EIF2B3: variants seen among roughly 807,000 people sequenced by gnomAD.
The protein encoded by EIF2B3 is translation initiation factor eIF2B subunit gamma.
EIF2B3 carries 20 observed loss-of-function variants against 54.1 expected under a neutral mutation model. The observed-to-expected ratio is 0.37, with a 90% CI of 0.26 to 0.54. EIF2B3 has a LOEUF of 0.54. EIF2B3 is among the 20% of genes least tolerant of loss of function. The pLI, the probability that EIF2B3 is intolerant of heterozygous loss-of-function variation, is 0.86. For synonymous variants in EIF2B3, 153 were observed against 188.1 expected (o/e 0.81, Z 1.52); for missense variants, 448 against 547.8 (o/e 0.82, Z 1.82).
chr1:44,898,668 G>A (rs894641240), intron 5 of EIF2B3, among the ~76,000 whole-genome samples: 27 of 152,160 alleles, frequency 1.8e-4, no homozygotes, highest in African/African-American at 6.5e-4. Flanking sequence ...GGCTTCGACT[G>A]CCTTGTAGGT....
At chr1:44,913,574 A>T (rs1164810210) in intron 5 of EIF2B3, among the ~76,000 whole-genome samples, 3 of 151,766 alleles carry the variant, frequency 2.0e-5, no homozygotes, top group South Asian at 2.1e-4. Context: ...GCATGAAAAA[A>T]GTTCACTGTA....
intron 7 of EIF2B3, among the ~76,000 whole-genome samples, 183 bp from the exon 8 acceptor site, chr1:44,880,191 C>T (rs2148904989): frequency 6.6e-6 from 1 of 152,300 alleles, no homozygotes. Flanking sequence ...GCTGGGACTA[C>T]AGGTGTGCAC....
intron 4 of EIF2B3, among the ~76,000 whole-genome samples, chr1:44,931,321 T>C (rs1054966421): frequency 2.0e-5 from 3 of 152,214 alleles, no homozygotes; most frequent in African/African-American, 4.8e-5. Flanking sequence ...CCCTTCCCAG[T>C]TGAGCCTTCA....
rs139126083 is a variant in EIF2B3 at position 44,883,910 on chromosome 1, C to G, written c.657-2171G>C. On this transcript the variant is annotated intron_variant, in intron 6 of 11. Transcript: ENST00000360403. ...CTGGAGTGCAGTGGTGCAATCACAA[C>G]TCACTGCAGTCTTGACTACCTGGGC... Among the ~76,000 whole-genome samples the G allele has an allele frequency of 7.5e-4, 114 of 152,322 alleles. 1 individual carries two copies. In the South Asian group the frequency reaches 8.1e-3, roughly 11 times the overall value.
At chr1:44,946,883 T>C (rs528874977) in intron 3 of EIF2B3, among the ~76,000 whole-genome samples, 3 of 152,236 alleles carry the variant, frequency 2.0e-5, no homozygotes, top group Admixed American at 6.5e-5. Flanking sequence ...AGAGAGAAAG[T>C]AGAAAAACTG....
chr1:44,924,426 C>T (rs181322132), intron 5 of EIF2B3, among the ~76,000 whole-genome samples: 227 of 151,474 alleles, frequency 1.5e-3, no homozygotes, highest in Middle Eastern at 0.01. Flanking sequence ...TTTTTGAGAC[C>T]GAGTCTCACT....
chr1:44,958,412 AT>A (rs1290082144), intron 3 of EIF2B3: 5 of 523,494 alleles, frequency 9.6e-6, no homozygotes, highest in Non-Finnish European at 1.4e-5. Context: ...GAGAAGTAAA[AT>A]TTTAAGAGAC....
chr1:44,986,510 T>C lies in EIF2B3; in HGVS notation c.-27A>G, dbSNP rs1052678813. On this transcript the variant is annotated 5_prime_UTR_variant, in exon 1 of 12. Coordinates refer to ENST00000360403, the MANE Select transcript of EIF2B3 (RefSeq NM_020365.5). ...CTGCTCACCCGGGTCAGCCAGCTTGTGTGCGGCCTGGCAGGGCAGAAGTCA... is the reference window on the plus strand; with the variant it reads ...CTGCTCACCCGGGTCAGCCAGCTTGCGTGCGGCCTGGCAGGGCAGAAGTCA... 6.6e-6 allele frequency: 1 copy of C among 152,442 alleles called. No individual in the cohort carries two copies. Among genetic ancestry groups the C allele is most frequent in the African/African-American group, 2.4e-5 (1 of 41,464 alleles). The allele number at this position is 152,442 out of a possible 1,614,324, so 9.4% of individuals were successfully genotyped here.
chr1:44,876,533 G>T (rs1283175576), intron 8 of EIF2B3, among the ~76,000 whole-genome samples: 2 of 71,064 alleles, frequency 2.8e-5, no homozygotes, highest in African/African-American at 1.3e-4. Context: ...GGGAAGTGAG[G>T]AGCGTCTCCG....
intron 4 of EIF2B3, among the ~76,000 whole-genome samples, chr1:44,929,434 T>C (rs1643878396): frequency 6.6e-6 from 1 of 152,214 alleles, no homozygotes; most frequent in African/African-American, 2.4e-5. Context: ...ATATGCAGTG[T>C]TTTAATATAA....
intron 3 of EIF2B3, among the ~76,000 whole-genome samples, chr1:44,942,802 G>C (rs545442882): frequency 4.1e-4 from 62 of 151,232 alleles, no homozygotes; most frequent in African/African-American, 1.4e-3. Flanking sequence ...GCTTACTATT[G>C]GCCAGGAATT....
chr1:44,866,173 C>A (rs956311433), intron 10 of EIF2B3, among the ~76,000 whole-genome samples: 3 of 151,864 alleles, frequency 2.0e-5, no homozygotes, highest in African/African-American at 4.8e-5. Context: ...TGGAGGTGGG[C>A]GGCTAATGAG....
At chr1:44,930,712 C>T (rs1000538919) in intron 4 of EIF2B3, among the ~76,000 whole-genome samples, 1 of 152,208 alleles carries the variant, frequency 6.6e-6, no homozygotes, top group South Asian at 2.1e-4. Flanking sequence ...GCAACCTTGG[C>T]TCACTGCAAC....
chr1:44,908,531 A>C (rs568175484), intron 5 of EIF2B3, among the ~76,000 whole-genome samples: 2 of 152,364 alleles, frequency 1.3e-5, no homozygotes, highest in East Asian at 3.9e-4. Flanking sequence ...GGAATGCAGA[A>C]GTTAACAGAA....
At chr1:44,900,445 CAA>C (rs34226720) in intron 5 of EIF2B3, among the ~76,000 whole-genome samples, 7 of 43,576 alleles carry the variant, frequency 1.6e-4, no homozygotes, top group Admixed American at 1.1e-3. Flanking sequence ...AGAATCATCT[CAA>C]AAAAAAAAAA....
chr1:44,897,344 C>G lies in EIF2B3; in HGVS notation c.656+11G>C, dbSNP rs1557675677. 2.5e-6 allele frequency: 4 copies of G among 1,606,154 alleles called. No homozygotes were observed. The highest frequency in any genetic ancestry group is 1.3e-5 in the African/African-American group (1 of 74,898). On this transcript the variant is annotated intron_variant, in intron 6 of 11. Coordinates refer to ENST00000360403, the MANE Select transcript of EIF2B3 (RefSeq NM_020365.5). The stretch of plus-strand genomic sequence containing the variant: ...GTACTGTAGGTTTGACTCTACCACC[C>G]TTTTTCTTACCCATTTTCCATTAGG...
chr1:44,913,109 T>TAAAAA (rs552977811), intron 5 of EIF2B3, among the ~76,000 whole-genome samples: 3 of 103,276 alleles, frequency 2.9e-5, no homozygotes, highest in Non-Finnish European at 3.8e-5. Flanking sequence ...CGGTTTTTGT[T>TAAAAA]AAAAAAAAAA....
At chr1:44,939,101 C>CAAAAAAAAAAAA (rs35410499) in intron 4 of EIF2B3, among the ~76,000 whole-genome samples, 3 of 56,258 alleles carry the variant, frequency 5.3e-5, no homozygotes, top group African/African-American at 1.4e-4. Context: ...GACCCTGTCT[C>CAAAAAAAAAAAA]AAAAAAAAAA....
intron 9 of EIF2B3, 85 bp from the exon 10 acceptor site, chr1:44,874,911 T>C (rs1655073200): frequency 1.3e-6 from 2 of 1,538,842 alleles, no homozygotes; most frequent in Non-Finnish European, 1.8e-6. Context: ...TGGGATCTAA[T>C]GGGATCTTTC....
Sources: allele counts gnomAD v4.1 joint callset (sites outside exome capture counted in the v4.1 genomes callset), GRCh38; gene constraint gnomAD v4.1.1; transcripts MANE v1.5; gene names NCBI Gene and HGNC (gene_info 2026-07-23, HGNC 2026-07-21).